The following CDK5RAP2 variants were observed in gnomAD, a reference collection of about 807,000 sequenced individuals.
CDK5RAP2 encodes the protein CDK5 regulatory subunit-associated protein 2.
Under a neutral mutation model 232.9 loss-of-function variants are expected in CDK5RAP2, and 147 were observed. The observed-to-expected ratio is 0.63, with a 90% CI of 0.55 to 0.72. CDK5RAP2 has a LOEUF of 0.72. Ranked by LOEUF, CDK5RAP2 falls within the 30% of genes least tolerant of loss-of-function variation. The probability of loss-of-function intolerance (pLI) is 0.00; values close to 1 mark genes in which losing one functional copy is unlikely to be tolerated. For synonymous variants in CDK5RAP2, 833 were observed against 833.7 expected (o/e 1.00, Z 0.01); for missense variants, 2,195 against 2,231.5 (o/e 0.98, Z 0.33).
At chr9:120,394,289 T>A (rs147066559) in intron 36 of CDK5RAP2, among the ~76,000 whole-genome samples, 124 of 152,258 alleles carry the variant, frequency 8.1e-4, no homozygotes, top group African/African-American at 2.9e-3. Flanking sequence ...TGTCTCCCAG[T>A]GAGACGACAG....
intron 5 of CDK5RAP2, among the ~76,000 whole-genome samples, chr9:120,542,619 A>G (rs935446801): frequency 1.3e-5 from 2 of 152,208 alleles, no homozygotes; most frequent in Admixed American, 6.5e-5. Flanking sequence ...ATTTAAAAAG[A>G]ACATGGAACC....
At chr9:120,526,537 G>A (rs1023863616) in intron 10 of CDK5RAP2, among the ~76,000 whole-genome samples, 1 of 151,738 alleles carries the variant, frequency 6.6e-6, no homozygotes, top group Non-Finnish European at 1.5e-5. Flanking sequence ...CCTACTTGCT[G>A]TGCCCACTGC....
rs16909896 is a variant in CDK5RAP2 at position 120,562,216 on chromosome 9, A to C, written c.195+6105T>G. Among the ~76,000 whole-genome samples the C allele has an allele frequency of 2.1e-3, 323 of 152,290 alleles. 2 individuals are homozygous for C. Among genetic ancestry groups the C allele is most frequent in the African/African-American group, 7.2e-3 (298 of 41,562 alleles). ...CCCAAAATGGATTATTGGGCTCAAGAGTAATTTTATATTTATGGCTATCAA... is the reference window on the plus strand; with the variant it reads ...CCCAAAATGGATTATTGGGCTCAAGCGTAATTTTATATTTATGGCTATCAA... On this transcript the variant is annotated intron_variant, in intron 3 of 37. Transcript: ENST00000349780.
intron 23 of CDK5RAP2, among the ~76,000 whole-genome samples, chr9:120,441,759 G>A (rs1467194893): frequency 1.3e-5 from 2 of 152,186 alleles, no homozygotes; most frequent in African/African-American, 4.8e-5. Flanking sequence ...GAAAGCAGCT[G>A]CTACCTGACC....
chr9:120,521,181 ACT>A (rs1439054882), intron 11 of CDK5RAP2, among the ~76,000 whole-genome samples: 1 of 152,144 alleles, frequency 6.6e-6, no homozygotes, highest in Admixed American at 6.5e-5. Context: ...AGACCAAAGT[ACT>A]CTGTTTTTGT....
chr9:120,508,570 C>G (rs971717709), intron 12 of CDK5RAP2, among the ~76,000 whole-genome samples: 11 of 152,224 alleles, frequency 7.2e-5, no homozygotes, highest in Non-Finnish European at 1.5e-4. Context: ...GTAGCTTTCA[C>G]CAGTTGCCCC....
chr9:120,536,353 A>ACAGGGACAAGAGCCAGACCTGTCT lies in CDK5RAP2; in HGVS notation c.657_662+18dup. On this transcript the variant is annotated intron_variant, in intron 7 of 37. Transcript: ENST00000349780. ...CCAGATAATGTGATGTCAGGGTATGACAGGGACAAGAGCCAGACCTGTCTT... is the reference window on the plus strand; with the variant it reads ...CCAGATAATGTGATGTCAGGGTATGACAGGGACAAGAGCCAGACCTGTCTCAGGGACAAGAGCCAGACCTGTCTT... The ACAGGGACAAGAGCCAGACCTGTCT allele has an allele frequency of 6.2e-7, 1 of 1,613,726 alleles. No individual in the cohort carries two copies. Among genetic ancestry groups the ACAGGGACAAGAGCCAGACCTGTCT allele is most frequent in the Non-Finnish European group, 8.5e-7 (1 of 1,179,604 alleles).
rs1205931446 is a variant in CDK5RAP2, at chr9:120,477,448, T to C, written c.1629A>G (p.Glu543=). ...PPGSKTIFSK[E]KKQSSDYEEL... Reference sequence around the variant, plus strand: ...CTTCATAGTCTGATGATTGTTTCTTTTCCTGGAAATGACAATGGGCATTTG... The same window carrying C: ...CTTCATAGTCTGATGATTGTTTCTTCTCCTGGAAATGACAATGGGCATTTG... The change falls in exon 15 of 38, where the codon GAA becomes GAG. Residue 543 remains glutamate (E), a splice_region_variant and synonymous_variant. Coordinates refer to ENST00000349780, the MANE Select transcript of CDK5RAP2 (RefSeq NM_018249.6). 1 of 1,610,946 alleles carries C rather than the reference T, an allele frequency of 6.2e-7. No individual in the cohort carries two copies. Among genetic ancestry groups the C allele is most frequent in the Non-Finnish European group, 8.5e-7 (1 of 1,177,394 alleles).
At chr9:120,576,952 G>C (rs2043055105) in intron 1 of CDK5RAP2, among the ~76,000 whole-genome samples, 1 of 152,096 alleles carries the variant, frequency 6.6e-6, no homozygotes, top group Non-Finnish European at 1.5e-5. Context: ...AAGAAATTCT[G>C]ACACATACTA....
At chr9:120,471,138 A>G (rs542809860) in intron 16 of CDK5RAP2, among the ~76,000 whole-genome samples, 1 of 152,290 alleles carries the variant, frequency 6.6e-6, no homozygotes, top group African/African-American at 2.4e-5. Context: ...GTTATTACCA[A>G]TTTTTACCAT....
intron 3 of CDK5RAP2, among the ~76,000 whole-genome samples, chr9:120,564,908 C>G (rs1002304680): frequency 1.3e-5 from 2 of 152,146 alleles, no homozygotes; most frequent in Non-Finnish European, 2.9e-5. Flanking sequence ...ATGCTGCCTC[C>G]GCAAGGCCTC....
intron 7 of CDK5RAP2, among the ~76,000 whole-genome samples, chr9:120,535,634 A>G (rs1366507376): frequency 1.3e-5 from 2 of 152,266 alleles, no homozygotes; most frequent in Non-Finnish European, 2.9e-5. Context: ...ATAAGGCAAG[A>G]GTATCATAAT....
At chr9:120,471,918 A>T in intron 15 of CDK5RAP2, 40 bp from the exon 16 acceptor site, 1 of 1,613,178 alleles carries the variant, frequency 6.2e-7, no homozygotes, top group Non-Finnish European at 8.5e-7. Context: ...AAACAGACCT[A>T]TTTGTACTTT....
At chr9:120,435,467 A>G (rs1394587463) in intron 25 of CDK5RAP2, among the ~76,000 whole-genome samples, 2 of 127,534 alleles carry the variant, frequency 1.6e-5, no homozygotes, top group Non-Finnish European at 3.3e-5. Flanking sequence ...TAAATTACAC[A>G]TTTACACACA....
At chr9:120,509,948 T>TACACACAC (rs145999949) in intron 12 of CDK5RAP2, among the ~76,000 whole-genome samples, 1 of 150,438 alleles carries the variant, frequency 6.6e-6, no homozygotes, top group African/African-American at 2.4e-5. Context: ...TCACACCTAA[T>TACACACAC]ACACACACAC....
chr9:120,460,450 A>G (rs188225498), intron 19 of CDK5RAP2, 122 bp downstream of exon 19: 1 of 890,192 alleles, frequency 1.1e-6, no homozygotes, highest in South Asian at 1.4e-5. Flanking sequence ...CCACTGGCAC[A>G]TGAAAGGTAC....
intron 12 of CDK5RAP2, among the ~76,000 whole-genome samples, chr9:120,501,039 T>C (rs533536944): frequency 6.6e-6 from 1 of 152,346 alleles, no homozygotes; most frequent in African/African-American, 2.4e-5. Context: ...CCTACCATTG[T>C]TCCAGGCAAG....
chr9:120,570,537 G>A (rs957899802), intron 2 of CDK5RAP2, among the ~76,000 whole-genome samples: 1 of 152,082 alleles, frequency 6.6e-6, no homozygotes, highest in Non-Finnish European at 1.5e-5. Context: ...GTATACTATC[G>A]GCTAAATTAA....
At chr9:120,573,563 T>A (rs866643689) in intron 1 of CDK5RAP2, among the ~76,000 whole-genome samples, 9 of 148,242 alleles carry the variant, frequency 6.1e-5, no homozygotes, top group Non-Finnish European at 7.5e-5. Flanking sequence ...AAAAAAAAAA[T>A]TTAAAAAAAA....
Sources: allele counts gnomAD v4.1 joint callset (sites outside exome capture counted in the v4.1 genomes callset), GRCh38; gene constraint gnomAD v4.1.1; transcripts MANE v1.5; gene names NCBI Gene and HGNC (gene_info 2026-07-23, HGNC 2026-07-21).